Variants in FYCO1 observed in about 807,000 individuals in gnomAD.
FYCO1 encodes FYVE and coiled-coil domain-containing protein 1.
FYCO1 carries 122 observed loss-of-function variants against 165.1 expected under a neutral mutation model. The observed-to-expected ratio is 0.74, with a 90% CI of 0.64 to 0.86. The LOEUF is 0.86. FYCO1 is among the 40% of genes least tolerant of loss of function. The pLI, the probability that FYCO1 is intolerant of heterozygous loss-of-function variation, is 0.00. For synonymous variants in FYCO1, 648 were observed against 742.5 expected, an observed-to-expected ratio of 0.87 and a Z score of 2.07; for missense variants, 1,702 against 1,810.3, an observed-to-expected ratio of 0.94 and a Z score of 1.09.
intron 14 of FYCO1, among the ~76,000 whole-genome samples, chr3:45,952,325 T>C (rs931306845): frequency 6.6e-6 from 1 of 152,182 alleles, no homozygotes; most frequent in Non-Finnish European, 1.5e-5. Flanking sequence ...CAGGGATGCT[T>C]ACACAAATCT....
chr3:45,934,343 A>G (rs1703780198), intron 15 of FYCO1, among the ~76,000 whole-genome samples: 1 of 152,238 alleles, frequency 6.6e-6, no homozygotes, highest in Non-Finnish European at 1.5e-5. Flanking sequence ...AAGACCCATC[A>G]TAATTAAACG....
intron 16 of FYCO1, among the ~76,000 whole-genome samples, chr3:45,925,057 G>C (rs1351827242): frequency 6.6e-6 from 1 of 152,054 alleles, no homozygotes; most frequent in African/African-American, 2.4e-5. Flanking sequence ...AGCCTCCTGA[G>C]TAGCTAGGAT....
In FYCO1 at chr3:45,921,703, T is replaced by C. The variant is rs372314184; in HGVS notation, c.*62A>G. 15 of 1,124,520 alleles carry C rather than the reference T, an allele frequency of 1.3e-5. No individual in the cohort carries two copies. Among genetic ancestry groups the C allele is most frequent in the Non-Finnish European group, 1.9e-5 (14 of 733,372 alleles). The allele number at this position is 1,124,520 out of a possible 1,614,324, so 69.7% of individuals were successfully genotyped here. On this transcript the variant is annotated 3_prime_UTR_variant, in exon 18 of 18. Transcript: ENST00000296137. ...GCTGACTTTTTAAAAAAATGCTTTATGTGACAGGTGAGGAAGAGCAGTGTT... is the reference window on the plus strand; with the variant it reads ...GCTGACTTTTTAAAAAAATGCTTTACGTGACAGGTGAGGAAGAGCAGTGTT...
intron 14 of FYCO1, among the ~76,000 whole-genome samples, chr3:45,952,838 T>C (rs1705106573): frequency 6.6e-6 from 1 of 152,176 alleles, no homozygotes; most frequent in Admixed American, 6.5e-5. Flanking sequence ...CCACCTATCA[T>C]CTACCCACCT....
chr3:45,984,732 T>C (rs1559468206), intron 2 of FYCO1, 124 bp downstream of exon 2: 1 of 944,338 alleles, frequency 1.1e-6, no homozygotes, highest in Non-Finnish European at 1.7e-6. Flanking sequence ...TGATGTGACC[T>C]GAGGACTCCA....
intron 8 of FYCO1, among the ~76,000 whole-genome samples, chr3:45,965,372 G>A (rs1705949868): frequency 6.6e-6 from 1 of 152,212 alleles, no homozygotes; most frequent in African/African-American, 2.4e-5. Context: ...TAAGCCACAT[G>A]GAGTTTCACG....
At chr3:45,963,241 C>G (rs1334743948) in intron 10 of FYCO1, among the ~76,000 whole-genome samples, 4 of 151,676 alleles carry the variant, frequency 2.6e-5, no homozygotes, top group African/African-American at 9.7e-5. Flanking sequence ...CACACACACA[C>G]CACACACACA....
At chr3:45,931,590 C>T (rs982598551) in intron 15 of FYCO1, among the ~76,000 whole-genome samples, 52 of 152,242 alleles carry the variant, frequency 3.4e-4, no homozygotes, top group Admixed American at 3.9e-4. Flanking sequence ...GATGGCCTGA[C>T]CTGCTCCACG....
intron 17 of FYCO1, among the ~76,000 whole-genome samples, chr3:45,922,647 T>C (rs1169903258): frequency 6.6e-6 from 1 of 152,108 alleles, no homozygotes; most frequent in African/African-American, 2.4e-5. Context: ...TCATTTCCAC[T>C]TGGGAGTGTA....
chr3:45,968,668 G>A lies in FYCO1; in HGVS notation c.666C>T (p.Ser222=), dbSNP rs1706251997. Residue 222 remains serine, a synonymous_variant, in exon 8 of 18, where the codon AGC becomes AGT. Transcript: ENST00000296137. ...CCTCCAATGCCTCGTTGTTTAGGGG[G>A]CTGTTCAGGTCAAAGTTGGACACCA... ...QEMVSNFDLN[S]PLNNEALEGF... The A allele has an allele frequency of 6.2e-7, 1 of 1,614,112 alleles. No individual in the cohort carries two copies.
rs1243082587 is a variant in FYCO1 at position 45,918,607 on chromosome 3, C to T, written c.*3158G>A. 2 of 152,170 alleles carry T rather than the reference C, an allele frequency of 1.3e-5. No individual in the cohort carries two copies. The highest frequency in any genetic ancestry group is 2.9e-5 in the Non-Finnish European group (2 of 68,038). The allele number at this position is 152,170 out of a possible 1,614,324, so 9.4% of individuals were successfully genotyped here. A position where few individuals can be genotyped will look rare whatever the true frequency, so the allele number is the denominator to read the frequency against. On this transcript the variant is annotated 3_prime_UTR_variant, in exon 18 of 18. Coordinates refer to ENST00000296137, the MANE Select transcript of FYCO1 (RefSeq NM_024513.4). ...TAAAACTGAAACTCCTTTAAAATTT[C>T]ATCAGTGGACATCCAACCATATCAT...
In FYCO1 at chr3:45,923,752, G is replaced by T; in HGVS notation, c.4265C>A (p.Thr1422Lys). The T allele has an allele frequency of 6.2e-7, 1 of 1,613,542 alleles. No individual in the cohort carries two copies. The highest frequency in any genetic ancestry group is 2.2e-5 in the East Asian group (1 of 44,868). The change falls in exon 17 of 18, where the codon ACG (threonine) becomes AAG (lysine). Residue 1422 changes from threonine to lysine, a missense_variant. Thr to Lys is a moderately conservative substitution (Grantham distance 78). Transcript: ENST00000296137. Reference sequence around the variant, plus strand: ...CTCCTTGTGGGAGTTGCATCGGGTCGTGGGAATGAGGACCTGGGAGGGAAA... The same window carrying T: ...CTCCTTGTGGGAGTTGCATCGGGTCTTGGGAATGAGGACCTGGGAGGGAAA... ...PLDQCKVLIP[T>K]TRCNSHKENI...
At position 45,962,279 on chromosome 3, in the gene FYCO1, T is replaced by C. The variant is rs773094762; in HGVS notation, c.3383A>G (p.Asp1128Gly). Residue 1128 changes from aspartate (D) to glycine (G), a missense_variant, in exon 11 of 18, where the codon GAT becomes GGT. Transcript: ENST00000296137. This position sits in a 1 kb window ranked among gnomAD's most constrained non-coding sequence, Gnocchi z 4.4. ...ATACTTCTTGGTTCTGTTGAGGTCA[T>C]CCAGGTCAGCAAGCATCTTCTGGTC... ...RNDQKMLADL[D>G]DLNRTKKYLE... The C allele has an allele frequency of 6.2e-7, 1 of 1,614,242 alleles. No homozygotes were observed. Among genetic ancestry groups the C allele is most frequent in the Admixed American group, 1.7e-5 (1 of 60,030 alleles).
At chr3:45,948,574 T>C (rs918316530) in intron 14 of FYCO1, among the ~76,000 whole-genome samples, 1 of 152,228 alleles carries the variant, frequency 6.6e-6, no homozygotes, top group South Asian at 2.1e-4. Flanking sequence ...CAGAATGTGG[T>C]CACAGGATGA....
rs1479297385 is a variant in FYCO1 at position 45,932,986 on chromosome 3, T to C, written c.4041-1705A>G. Among the ~76,000 whole-genome samples the C allele has an allele frequency of 2.6e-5, 4 of 152,212 alleles. No homozygotes were observed. In the South Asian group the frequency reaches 8.3e-4, roughly 32 times the overall value. Reference sequence around the variant, plus strand: ...AATACATTAATGCTGGAGCATTTTATAATTTTATGCTCCAGAATTCTCCCC... The same window carrying C: ...AATACATTAATGCTGGAGCATTTTACAATTTTATGCTCCAGAATTCTCCCC... On this transcript the variant is annotated intron_variant, in intron 15 of 17. Transcript: ENST00000296137.
At chr3:45,947,278 T>C in intron 14 of FYCO1, 1 of 1,614,130 alleles carries the variant, frequency 6.2e-7, no homozygotes, top group Non-Finnish European at 8.5e-7. Flanking sequence ...ATGACCAGCT[T>C]TCACTACACC....
In FYCO1 at chr3:45,972,969, T is replaced by C; in HGVS notation, c.539+119A>G. ...CTGTAAAAGGAGCTGGAATAAGAGT[T>C]GAACAGGTTTGTGTAATTTACTGAG... On this transcript the variant is annotated intron_variant, in intron 6 of 17. Coordinates refer to ENST00000296137, the MANE Select transcript of FYCO1 (RefSeq NM_024513.4). 8.1e-6 allele frequency: 8 copies of C among 986,058 alleles called. No homozygotes were observed. In the South Asian group the frequency reaches 9.6e-5, roughly 12 times the overall value. 61.1% of individuals were successfully genotyped at this position (986,058 alleles called of 1,614,324 possible).
chr3:45,961,497 G>C (rs1486591436), intron 11 of FYCO1, among the ~76,000 whole-genome samples: 1 of 151,802 alleles, frequency 6.6e-6, no homozygotes, highest in Non-Finnish European at 1.5e-5. Flanking sequence ...AGAATCGCTT[G>C]AATGCAGGAG....
At position 45,920,429 on chromosome 3, in the gene FYCO1, G is replaced by T. The variant is rs1428400508; in HGVS notation, c.*1336C>A. ...ACCCCTGGCCAAACTGGGACCTTTTGTCAGATGCTCTGTTCACCCATGGAA... is the reference window on the plus strand; with the variant it reads ...ACCCCTGGCCAAACTGGGACCTTTTTTCAGATGCTCTGTTCACCCATGGAA... On this transcript the variant is annotated 3_prime_UTR_variant, in exon 18 of 18. Coordinates refer to ENST00000296137, the MANE Select transcript of FYCO1 (RefSeq NM_024513.4). 3 of 152,266 alleles carry T rather than the reference G, an allele frequency of 2.0e-5. No homozygotes were observed. Among genetic ancestry groups the T allele is most frequent in the Non-Finnish European group, 4.4e-5 (3 of 68,086 alleles). The allele number at this position is 152,266 out of a possible 1,614,324, so 9.4% of individuals were successfully genotyped here.
Sources: gnomAD v4.1 joint callset for allele counts (sites outside exome capture counted in the v4.1 genomes callset) on GRCh38, gnomAD v4.1.1 for gene constraint, Gnocchi (gnomAD v3.1) non-coding constraint, MANE v1.5 for transcripts, NCBI Gene and HGNC (gene_info 2026-07-23, HGNC 2026-07-21) for gene names.